ANKS1B: variants seen among roughly 807,000 people sequenced by gnomAD.
The protein encoded by ANKS1B is ankyrin repeat and sterile alpha motif domain-containing protein 1B.
ANKS1B carries 36 observed loss-of-function variants against 148.3 expected under a neutral mutation model. The ratio of observed to expected loss-of-function variants is 0.24; its 90% CI spans 0.19 to 0.32. The LOEUF is 0.32. Among genes scored for constraint, ANKS1B ranks in the 10% least tolerant of loss-of-function variants. The probability of loss-of-function intolerance (pLI) is 1.00; values close to 1 mark genes in which losing one functional copy is unlikely to be tolerated. For synonymous variants in ANKS1B, 542 were observed against 560.8 expected (o/e 0.97, Z 0.47); for missense variants, 1,157 against 1,542.6 (o/e 0.75, Z 4.19).
chr12:99,959,054 CT>C (rs149006911), intron 1 of ANKS1B, among the ~76,000 whole-genome samples: 1,959 of 120,962 alleles, frequency 0.016, 24 homozygotes, highest in African/African-American at 0.046. Context: ...AAAGAACATG[CT>C]TTTTTTTTTT....
At chr12:99,345,773 C>T (rs2090582690) in intron 12 of ANKS1B, among the ~76,000 whole-genome samples, 1 of 151,872 alleles carries the variant, frequency 6.6e-6, no homozygotes, top group Admixed American at 6.6e-5. Context: ...GGTAGGCAGA[C>T]CTTTTTAAAA....
At chr12:99,329,902 T>C (rs537155665) in intron 12 of ANKS1B, among the ~76,000 whole-genome samples, 11 of 152,038 alleles carry the variant, frequency 7.2e-5, no homozygotes, top group African/African-American at 2.6e-4. Context: ...TCATATGATG[T>C]ATTAATAATT....
chr12:99,779,252 A>G (rs987896909), intron 6 of ANKS1B, among the ~76,000 whole-genome samples: 1 of 152,258 alleles, frequency 6.6e-6, no homozygotes, highest in African/African-American at 2.4e-5. Context: ...GACTTTTACC[A>G]AAAACTAAGG....
chr12:99,163,588 C>T (rs2076912930), intron 14 of ANKS1B, among the ~76,000 whole-genome samples: 1 of 151,664 alleles, frequency 6.6e-6, no homozygotes, highest in Admixed American at 6.6e-5. Flanking sequence ...CATAAGAATC[C>T]CTCCTGGAAC....
chr12:99,291,205 G>A (rs1218480820), intron 12 of ANKS1B, among the ~76,000 whole-genome samples: 1 of 151,964 alleles, frequency 6.6e-6, no homozygotes, highest in Non-Finnish European at 1.5e-5. Context: ...AATAAAAACT[G>A]TAAAACACTG....
At chr12:99,171,436 AG>A (rs763249897) in intron 14 of ANKS1B, among the ~76,000 whole-genome samples, 14 of 152,338 alleles carry the variant, frequency 9.2e-5, no homozygotes, top group Non-Finnish European at 1.3e-4. Context: ...GGAATGCTAT[AG>A]GTCAACAAAG....
At chr12:99,822,159 A>G (rs1372132104) in intron 2 of ANKS1B, among the ~76,000 whole-genome samples, 2 of 152,280 alleles carry the variant, frequency 1.3e-5, no homozygotes, top group Middle Eastern at 3.4e-3. Flanking sequence ...GACAAAAAAA[A>G]TGTCTTGCAT....
chr12:99,983,104 C>G (rs2095730060), intron 1 of ANKS1B, among the ~76,000 whole-genome samples: 1 of 152,134 alleles, frequency 6.6e-6, no homozygotes, highest in Non-Finnish European at 1.5e-5. Flanking sequence ...TTGGGTTATC[C>G]AAGAGATGTT....
intron 8 of ANKS1B, among the ~76,000 whole-genome samples, chr12:99,744,148 G>T (rs1425882412): frequency 6.6e-6 from 1 of 152,110 alleles, no homozygotes; most frequent in Non-Finnish European, 1.5e-5. Flanking sequence ...GGAACATACA[G>T]ATTAAATGAG....
At chr12:99,370,741 T>C (rs968486620) in intron 12 of ANKS1B, among the ~76,000 whole-genome samples, 9 of 152,212 alleles carry the variant, frequency 5.9e-5, no homozygotes, top group Admixed American at 1.3e-4. Flanking sequence ...GTAGCTAAGA[T>C]ATCATGGTCT....
chr12:98,949,973 G>A (rs778895625), intron 17 of ANKS1B: 1 of 152,252 alleles, frequency 6.6e-6, no homozygotes, highest in Non-Finnish European at 1.5e-5. Flanking sequence ...TAATGATGAT[G>A]ATGATGAGAC....
chr12:99,977,350 A>C (rs2095641930), intron 1 of ANKS1B, among the ~76,000 whole-genome samples: 1 of 151,994 alleles, frequency 6.6e-6, no homozygotes, highest in African/African-American at 2.4e-5. Context: ...GGGTCTCACT[A>C]TGTTGCCTAG....
chr12:99,544,263 G>A (rs1015956584), intron 9 of ANKS1B, among the ~76,000 whole-genome samples: 5 of 152,130 alleles, frequency 3.3e-5, no homozygotes, highest in African/African-American at 1.2e-4. Flanking sequence ...TACCAGTTAT[G>A]AAGTATTTCA....
At chr12:99,117,227 A>T (rs1278550191) in intron 15 of ANKS1B, among the ~76,000 whole-genome samples, 1 of 152,206 alleles carries the variant, frequency 6.6e-6, no homozygotes, top group East Asian at 1.9e-4. Flanking sequence ...CAGAACTTCC[A>T]ACACTATGTT....
At chr12:99,229,530 C>A (rs1348958785) in intron 14 of ANKS1B, among the ~76,000 whole-genome samples, 5 of 151,878 alleles carry the variant, frequency 3.3e-5, no homozygotes, top group African/African-American at 7.2e-5. Context: ...TAGTGGATGA[C>A]AATTCCTTTG....
intron 12 of ANKS1B, among the ~76,000 whole-genome samples, chr12:99,354,701 A>T (rs1177197964): frequency 6.6e-6 from 1 of 152,064 alleles, no homozygotes; most frequent in Non-Finnish European, 1.5e-5. Context: ...TAACATGGAT[A>T]AGATTACTAA....
intron 8 of ANKS1B, among the ~76,000 whole-genome samples, chr12:99,678,491 C>T (rs1278470294): frequency 6.6e-6 from 1 of 152,108 alleles, no homozygotes; most frequent in Non-Finnish European, 1.5e-5. Flanking sequence ...TAACTTGGAA[C>T]AAATGTCACA....
At chr12:98,897,542 CTAT>C in intron 17 of ANKS1B, among the ~76,000 whole-genome samples, 1 of 152,076 alleles carries the variant, frequency 6.6e-6, no homozygotes, top group African/African-American at 2.4e-5. Context: ...GTCAGAATGA[CTAT>C]TATTAAAAAG....
chr12:99,442,787 T>C (rs2095571243), intron 11 of ANKS1B, among the ~76,000 whole-genome samples: 1 of 151,914 alleles, frequency 6.6e-6, no homozygotes. Context: ...ACCTAAATAG[T>C]CTTAAAAGAC....
Sources: allele counts gnomAD v4.1 joint callset (sites outside exome capture counted in the v4.1 genomes callset), GRCh38; gene constraint gnomAD v4.1.1; transcripts MANE v1.5; gene names NCBI Gene and HGNC (gene_info 2026-07-23, HGNC 2026-07-21).